TMPRSS15: variants seen among roughly 807,000 people sequenced by gnomAD.
TMPRSS15 encodes enteropeptidase.
In TMPRSS15, 128 loss-of-function variants were observed where a neutral mutation model predicts 125.3. The ratio of observed to expected loss-of-function variants is 1.02; its 90% confidence interval spans 0.89 to 1.18. The LOEUF is 1.18. Ranked by LOEUF, TMPRSS15 falls within the 50% of genes most tolerant of loss-of-function variation. The pLI, the probability that TMPRSS15 is intolerant of heterozygous loss-of-function variation, is 0.00. For synonymous variants in TMPRSS15, 446 were observed against 423.2 expected (o/e 1.05, Z -0.66); for missense variants, 1,283 against 1,212.7 (o/e 1.06, Z -0.86).
chr21:18,482,866 A>T (rs569580909), intron 1 of TMPRSS15, among the ~76,000 whole-genome samples: 1 of 151,756 alleles, frequency 6.6e-6, no homozygotes, highest in Non-Finnish European at 1.5e-5. Flanking sequence ...TTTCTAACTT[A>T]CTTTATCCTA....
intron 5 of TMPRSS15, among the ~76,000 whole-genome samples, chr21:18,374,748 C>T (rs1258876976): frequency 6.6e-6 from 1 of 152,042 alleles, no homozygotes; most frequent in Admixed American, 6.6e-5. Flanking sequence ...TTGAATAAGA[C>T]CACTCGAGAA....
At chr21:18,309,133 G>A (rs1367344372) in intron 18 of TMPRSS15, among the ~76,000 whole-genome samples, 2 of 152,056 alleles carry the variant, frequency 1.3e-5, no homozygotes, top group East Asian at 1.9e-4. Flanking sequence ...GGGTCAAATG[G>A]TATTTCTGGT....
intron 1 of TMPRSS15, among the ~76,000 whole-genome samples, chr21:18,458,157 C>T (rs2123269285): frequency 6.6e-6 from 1 of 152,182 alleles, no homozygotes; most frequent in Middle Eastern, 3.4e-3. Flanking sequence ...AGGCGTTCTT[C>T]ACATTTATTT....
chr21:18,303,735 T>G (rs1472482388), intron 18 of TMPRSS15, among the ~76,000 whole-genome samples: 2 of 152,312 alleles, frequency 1.3e-5, no homozygotes, highest in African/African-American at 4.8e-5. Context: ...TTTTGGCAGA[T>G]GATTTGTAAT....
chr21:18,477,865 A>C lies in TMPRSS15; in HGVS notation c.10+7934T>G, dbSNP rs146950378. Among the ~76,000 whole-genome samples the C allele has an allele frequency of 1.9e-3, 287 of 152,176 alleles. 2 individuals are homozygous for C. Among genetic ancestry groups the C allele is most frequent in the African/African-American group, 6.3e-3 (260 of 41,546 alleles). ...GATCCAATTATATGCCCATTTTCAG[A>C]CATGGGAATAGATTTAGACTCCAAT... On this transcript the variant is annotated intron_variant, in intron 1 of 7. Coordinates refer to the TMPRSS15 transcript ENST00000422787.
chr21:18,348,584 A>G (rs1244181370), intron 10 of TMPRSS15, among the ~76,000 whole-genome samples: 1 of 152,226 alleles, frequency 6.6e-6, no homozygotes, highest in Non-Finnish European at 1.5e-5. Context: ...CAATTTTAGA[A>G]AGTAATATTA....
intron 1 of TMPRSS15, among the ~76,000 whole-genome samples, chr21:18,427,413 A>T: frequency 2.0e-5 from 3 of 152,344 alleles, no homozygotes; most frequent in Admixed American, 2.0e-4. Flanking sequence ...CATGCTGAAG[A>T]TGGATAAATA....
At chr21:18,353,206 T>A (rs1326908258) in intron 9 of TMPRSS15, among the ~76,000 whole-genome samples, 154 bp from the exon 10 acceptor site, 2 of 151,834 alleles carry the variant, frequency 1.3e-5, no homozygotes, top group Admixed American at 1.3e-4. Flanking sequence ...CTCTGTTGCA[T>A]TCTATTTATT....
chr21:18,392,138 C>A (rs1009532141), intron 3 of TMPRSS15, among the ~76,000 whole-genome samples: 7 of 152,228 alleles, frequency 4.6e-5, no homozygotes, highest in Admixed American at 2.0e-4. Flanking sequence ...GCCACGGAGA[C>A]ATGTTCACCA....
intron 6 of TMPRSS15, 115 bp downstream of exon 6, chr21:18,372,078 T>C: frequency 1.1e-6 from 1 of 887,544 alleles, no homozygotes; most frequent in South Asian, 2.6e-5. Context: ...CTTCAGTAGT[T>C]TCAGGTATTT....
intron 1 of TMPRSS15, among the ~76,000 whole-genome samples, chr21:18,481,605 T>C (rs548226912): frequency 9.2e-5 from 14 of 151,716 alleles, no homozygotes; most frequent in Non-Finnish European, 1.6e-4. Flanking sequence ...AAAATAAATA[T>C]TTTTATCTTG....
Position 18,315,259 on chromosome 21 carries a change from A to T in TMPRSS15, c.1922-3T>A. The T allele has an allele frequency of 6.2e-7, 1 of 1,606,110 alleles. No homozygotes were observed. Among genetic ancestry groups the T allele is most frequent in the Non-Finnish European group, 8.5e-7 (1 of 1,173,592 alleles). ...AAAATGGTCTGCCTTGCATGGCTCT[A>T]TGGGGAAAGAATGTTTATTGTATAG... On this transcript the variant is annotated splice_polypyrimidine_tract_variant and splice_region_variant and intron_variant, in intron 16 of 24. Transcript: ENST00000284885.
At chr21:18,474,438 G>A (rs942070974) in intron 1 of TMPRSS15, among the ~76,000 whole-genome samples, 14 of 152,048 alleles carry the variant, frequency 9.2e-5, no homozygotes. Flanking sequence ...TTACAGACAT[G>A]CATCACCATG....
chr21:18,272,555 C>G (rs1259417752), intron 24 of TMPRSS15, among the ~76,000 whole-genome samples: 2 of 151,870 alleles, frequency 1.3e-5, no homozygotes, highest in Admixed American at 1.3e-4. Flanking sequence ...GAAACCCGGT[C>G]TCTACTAAAA....
At chr21:18,433,663 CAAAAAAAA>C (rs58432155) in intron 1 of TMPRSS15, among the ~76,000 whole-genome samples, 2 of 62,446 alleles carry the variant, frequency 3.2e-5, no homozygotes, top group South Asian at 8.0e-4. Flanking sequence ...GACCTTGTCT[CAAAAAAAA>C]AAAAAAAAAA....
chr21:18,379,108 T>C (rs2075869059), intron 5 of TMPRSS15, among the ~76,000 whole-genome samples, 175 bp downstream of exon 5: 1 of 152,064 alleles, frequency 6.6e-6, no homozygotes, highest in Non-Finnish European at 1.5e-5. Flanking sequence ...AATATGTTGT[T>C]TACTGTGGTG....
chr21:18,317,128 A>G (rs2075175621), intron 16 of TMPRSS15, among the ~76,000 whole-genome samples: 1 of 152,224 alleles, frequency 6.6e-6, no homozygotes, highest in Non-Finnish European at 1.5e-5. Flanking sequence ...GGTTAATATG[A>G]TTTCAGAAAC....
chr21:18,447,931 CT>C (rs1477477386), intron 1 of TMPRSS15, among the ~76,000 whole-genome samples: 4 of 152,082 alleles, frequency 2.6e-5, no homozygotes, highest in African/African-American at 9.7e-5. Context: ...CACTTCACCC[CT>C]GTTAGAATGT....
At chr21:18,280,241 A>G (rs1601258678) in intron 22 of TMPRSS15, among the ~76,000 whole-genome samples, 1 of 152,130 alleles carries the variant, frequency 6.6e-6, no homozygotes, top group African/African-American at 2.4e-5. Context: ...GAAGTCCTTC[A>G]TTTGTCACTC....
Sources: allele counts gnomAD v4.1 joint callset (sites outside exome capture counted in the v4.1 genomes callset), GRCh38; gene constraint gnomAD v4.1.1; transcripts MANE v1.5; gene names NCBI Gene and HGNC (gene_info 2026-07-23, HGNC 2026-07-21).